The following TMEM223 variants were observed in gnomAD, a reference collection of about 807,000 sequenced individuals.
The protein encoded by TMEM223 is transmembrane protein 223.
TMEM223 carries 14 observed loss-of-function variants against 14.1 expected under a neutral mutation model. The observed-to-expected ratio is 0.99, with a 90% CI of 0.66 to 1.55. The LOEUF is 1.55. Among genes scored for constraint, TMEM223 ranks in the 40% most tolerant of loss-of-function variants. The pLI is 0.00. For missense variants in TMEM223, 346 were observed against 269.9 expected, an observed-to-expected ratio of 1.28 and a Z score of -1.97; for synonymous variants, 145 against 120.5, an observed-to-expected ratio of 1.20 and a Z score of -1.33.
downstream of TMEM223, chr11:62,789,961 A>G (rs2084338964): frequency 1.2e-6 from 2 of 1,613,850 alleles, no homozygotes; most frequent in African/African-American, 1.3e-5. Context: ...GTCTGAAGCC[A>G]CCCCATACCG....
At chr11:62,783,805 T>G (rs918752425), downstream of TMEM223, among the ~76,000 whole-genome samples, 1 of 151,768 alleles carries the variant, frequency 6.6e-6, no homozygotes, top group Non-Finnish European at 1.5e-5. Context: ...AGTGCTGGGA[T>G]TATAGGCATG....
chr11:62,787,558 G>A (rs760507029), downstream of TMEM223: 3 of 1,517,398 alleles, frequency 2.0e-6, no homozygotes, highest in Admixed American at 2.1e-5. Context: ...CAGGTAGGCG[G>A]GGGAGCTGGC....
chr11:62,787,403 C>T (rs748509821), downstream of TMEM223: 2 of 1,556,648 alleles, frequency 1.3e-6, no homozygotes, highest in Admixed American at 1.9e-5. Flanking sequence ...GGTGCTGCTG[C>T]AGCGGCGCTT....
rs1394660559 is a variant in TMEM223, at chr11:62,791,763, C to T, written c.232G>A (p.Asp78Asn). ...SRPPVPVQPL[D>N]AEVPNRGPFD... Reference sequence around the variant, plus strand: ...GGGCCACGATTTGGGACCTCCGCATCCAGAGGCTGCACCGGAACCGGGGGC... The same window carrying T: ...GGGCCACGATTTGGGACCTCCGCATTCAGAGGCTGCACCGGAACCGGGGGC... Residue 78 changes from aspartate to asparagine, a missense_variant, in exon 1 of 2, where the codon GAT becomes AAT. By Grantham distance (23) the Asp-to-Asn change is conservative (BLOSUM62 1). Coordinates refer to ENST00000307366, the MANE Select transcript of TMEM223 (RefSeq NM_001080501.3). The T allele has an allele frequency of 6.4e-7, 1 of 1,565,792 alleles. No homozygotes were observed. The highest frequency in any genetic ancestry group is 1.2e-5 in the South Asian group (1 of 85,106).
intron 1 of TMEM223, among the ~76,000 whole-genome samples, chr11:62,791,389 C>T (rs1259638794): frequency 1.3e-5 from 2 of 152,302 alleles, no homozygotes; most frequent in Middle Eastern, 3.4e-3. Context: ...TCCCGAGTAG[C>T]TGGGACTACA....
rs1475764035 is a variant in TMEM223 at position 62,790,366 on chromosome 11, A to AT, written c.*256dup. The AT allele has an allele frequency of 1.1e-5, 6 of 544,376 alleles. No homozygotes were observed. The highest frequency in any genetic ancestry group is 1.9e-5 in the Non-Finnish European group (6 of 312,186). 33.7% of individuals were successfully genotyped at this position (544,376 alleles called of 1,614,324 possible). On this transcript the variant is annotated 3_prime_UTR_variant, in exon 2 of 2. Transcript: ENST00000307366. ...CTGCCCTAGGGATGACTGCTCCTTT[A>AT]TTTGTTGTTAATGAATCTTGACCTC... is the stretch of plus-strand genomic sequence containing the variant.
chr11:62,780,941 A>T (rs577665579), intron 1 of TMEM223, among the ~76,000 whole-genome samples: 1 of 148,716 alleles, frequency 6.7e-6, no homozygotes, highest in Non-Finnish European at 1.5e-5. Context: ...CATCTCAAAA[A>T]AAAAAAAAAA....
At chr11:62,780,678 C>T (rs944856265) in intron 1 of TMEM223, among the ~76,000 whole-genome samples, 23 of 151,660 alleles carry the variant, frequency 1.5e-4, no homozygotes, top group Admixed American at 1.5e-3. Flanking sequence ...GCCTGTAATC[C>T]CAGCAGTTTG....
At chr11:62,784,225 T>C (rs2084252907), downstream of TMEM223, among the ~76,000 whole-genome samples, 1 of 150,530 alleles carries the variant, frequency 6.6e-6, no homozygotes, top group Non-Finnish European at 1.5e-5. Context: ...CTGGACCTCG[T>C]GTTCCGCCCG....
intron 1 of TMEM223, chr11:62,782,148 C>T: frequency 6.2e-7 from 1 of 1,612,748 alleles, no homozygotes; most frequent in Non-Finnish European, 8.5e-7. Flanking sequence ...AGCAACTGCA[C>T]CGGCTGCTGC....
At chr11:62,791,036 T>C in intron 1 of TMEM223, 121 bp from the exon 2 acceptor site, 1 of 1,088,838 alleles carries the variant, frequency 9.2e-7, no homozygotes, top group East Asian at 2.6e-5. Context: ...AGCGCTTTTT[T>C]TTTTGAGACT....
downstream of TMEM223, chr11:62,789,322 C>A: frequency 6.2e-7 from 1 of 1,614,062 alleles, no homozygotes; most frequent in Non-Finnish European, 8.5e-7. Context: ...TTGCACTGGC[C>A]ATCTCAGCTA....
At position 62,791,869 on chromosome 11, in the gene TMEM223, GC is replaced by G. The variant is rs1283687777; in HGVS notation, c.125del (p.Gly42AlafsTer92). On this transcript the variant is annotated frameshift_variant, in exon 1 of 2. Coordinates refer to ENST00000307366, the MANE Select transcript of TMEM223 (RefSeq NM_001080501.3). LOFTEE classifies it high-confidence loss of function. ...ACAGCCCGAGGATGGTGAAGAAGCG[GC>G]CCCGATCATGCTCAAAGAGCAGCAC... is the stretch of plus-strand genomic sequence containing the variant. ...RDVLLFEHDR[G>X]RFFTILGLFC... 1.2e-5 allele frequency: 19 copies of G among 1,593,322 alleles called. No individual in the cohort carries two copies. The highest frequency in any genetic ancestry group is 1.6e-5 in the Non-Finnish European group (19 of 1,170,648).
downstream of TMEM223, chr11:62,787,713 G>A (rs956234373): frequency 3.1e-5 from 24 of 773,568 alleles, no homozygotes; most frequent in African/African-American, 4.0e-4. Flanking sequence ...CTCCTGGCCA[G>A]GTCATACTTC....
chr11:62,789,725 C>G (rs202082969), downstream of TMEM223: 23 of 1,519,030 alleles, frequency 1.5e-5, no homozygotes, highest in African/African-American at 2.9e-4. Flanking sequence ...ATATCTGTAG[C>G]TGTGTGGGTG....
chr11:62,786,619 G>A (rs779096059), downstream of TMEM223: 12 of 1,599,558 alleles, frequency 7.5e-6, no homozygotes, highest in East Asian at 2.7e-4. Context: ...CCTGCCATGG[G>A]ACAGCCTTCT....
chr11:62,784,234 C>T (rs1381303199), downstream of TMEM223, among the ~76,000 whole-genome samples: 4 of 150,038 alleles, frequency 2.7e-5, no homozygotes, highest in Admixed American at 2.0e-4. Flanking sequence ...GTGTTCCGCC[C>T]GCCTCGGCTT....
downstream of TMEM223, chr11:62,786,479 T>C: frequency 1.3e-6 from 2 of 1,579,660 alleles, no homozygotes; most frequent in Non-Finnish European, 1.7e-6. Flanking sequence ...CCCAGGTTCC[T>C]CGAATTTTTT....
At chr11:62,788,017 T>G (rs894319885), downstream of TMEM223, 2 of 459,228 alleles carry the variant, frequency 4.4e-6, no homozygotes, top group Non-Finnish European at 8.7e-6. Flanking sequence ...ATTTACATCG[T>G]TTACCCCAGC....
Sources: gnomAD v4.1 joint callset for allele counts (sites outside exome capture counted in the v4.1 genomes callset) on GRCh38, gnomAD v4.1.1 for gene constraint, MANE v1.5 for transcripts, NCBI Gene and HGNC (gene_info 2026-07-23, HGNC 2026-07-21) for gene names.